CABIN1: variants seen among roughly 807,000 people sequenced by gnomAD.
CABIN1 encodes the protein calcineurin binding protein 1.
A neutral mutation model predicts 227.7 loss-of-function variants in CABIN1; 133 were observed. That is an observed-to-expected ratio of 0.58 (90% CI 0.51 to 0.67). The LOEUF is 0.67. CABIN1 is among the 30% of genes least tolerant of loss of function. The pLI is 0.00. For missense variants in CABIN1, 2,408 were observed against 2,852.5 expected (o/e 0.84, Z 3.55); for synonymous variants, 1,086 against 1,155.1 (o/e 0.94, Z 1.21).
chr22:24,068,949 G>C (rs1171175048), intron 16 of CABIN1, among the ~76,000 whole-genome samples: 2 of 152,238 alleles, frequency 1.3e-5, no homozygotes, highest in Non-Finnish European at 2.9e-5. Flanking sequence ...GGGACCCCAT[G>C]TTCTCGAGGG....
intron 19 of CABIN1, among the ~76,000 whole-genome samples, chr22:24,076,663 T>C (rs1338832118): frequency 2.0e-5 from 3 of 152,210 alleles, no homozygotes; most frequent in Admixed American, 2.0e-4. Context: ...TATTGAGTCC[T>C]GTTTACTAAG....
In CABIN1 at chr22:24,084,875, T is replaced by C. The variant is rs193178955; in HGVS notation, c.3117+90T>C. 3,827 of 1,569,234 alleles carry C rather than the reference T, an allele frequency of 2.4e-3. 12 individuals carry two copies. Among genetic ancestry groups the C allele is most frequent in the Middle Eastern group, 4.6e-3 (27 of 5,924 alleles). ...CTGTATATGCTCCTTTGCTTCTTTT[T>C]CTGCTCTGTACCAGACTGAGGGGCA... On this transcript the variant is annotated intron_variant, in intron 21 of 36. Coordinates refer to ENST00000263119, the MANE Select transcript of CABIN1 (RefSeq NM_012295.4).
chr22:24,068,864 A>G (rs2039882606), intron 16 of CABIN1, among the ~76,000 whole-genome samples: 1 of 152,124 alleles, frequency 6.6e-6, no homozygotes, highest in Admixed American at 6.5e-5. Flanking sequence ...AGAAATATTC[A>G]TCCATTTGTT....
At chr22:24,156,948 C>T (rs2045866105) in intron 29 of CABIN1, among the ~76,000 whole-genome samples, 1 of 152,196 alleles carries the variant, frequency 6.6e-6, no homozygotes, top group South Asian at 2.1e-4. Context: ...CGGGCGCCAG[C>T]TGCAGGCAAA....
intron 8 of CABIN1, among the ~76,000 whole-genome samples, chr22:24,054,151 G>C (rs2038591779): frequency 1.3e-5 from 2 of 152,170 alleles, no homozygotes; most frequent in Non-Finnish European, 2.9e-5. Context: ...TGAGCAGTTG[G>C]TCTTTAGCCT....
At chr22:24,125,887 T>C (rs1182760125) in intron 28 of CABIN1, among the ~76,000 whole-genome samples, 2 of 152,212 alleles carry the variant, frequency 1.3e-5, no homozygotes, top group Admixed American at 1.3e-4. Flanking sequence ...TTGAAGATTC[T>C]ACTGGGCCCT....
rs553927219 is a variant in CABIN1 at position 24,038,214 on chromosome 22, G to T, written c.97-134G>T. ...CTTCCCTTCCTGGAAGTTGGGAGGTGGGGGAGCTGAAAGTTCCAGCTATCT... is the reference window on the plus strand; with the variant it reads ...CTTCCCTTCCTGGAAGTTGGGAGGTTGGGGAGCTGAAAGTTCCAGCTATCT... On this transcript the variant is annotated intron_variant, in intron 3 of 36. Transcript: ENST00000263119. The T allele has an allele frequency of 1.4e-5, 10 of 697,102 alleles. No individual in the cohort carries two copies. The East Asian group carries it at 2.8e-4, about 19-fold the overall frequency. 43.2% of individuals were successfully genotyped at this position (697,102 alleles called of 1,614,324 possible). A position where few individuals can be genotyped will look rare whatever the true frequency, so the allele number is the denominator to read the frequency against.
chr22:24,171,512 A>G (rs2046810604), intron 33 of CABIN1, among the ~76,000 whole-genome samples: 1 of 152,220 alleles, frequency 6.6e-6, no homozygotes, highest in African/African-American at 2.4e-5. Flanking sequence ...GTGTCCTAGC[A>G]TCAGCAGGAT....
At chr22:24,131,592 G>A (rs1004941923) in intron 28 of CABIN1, among the ~76,000 whole-genome samples, 1 of 152,200 alleles carries the variant, frequency 6.6e-6, no homozygotes, top group Non-Finnish European at 1.5e-5. Flanking sequence ...GGCCCTGACT[G>A]CCCCAGGTGT....
chr22:24,177,414 A>G lies in CABIN1; in HGVS notation c.6206-90A>G. 8 of 1,165,382 alleles carry G rather than the reference A, an allele frequency of 6.9e-6. No homozygotes were observed. Among genetic ancestry groups the G allele is most frequent in the Non-Finnish European group, 9.6e-6 (8 of 830,384 alleles). 72.2% of individuals were successfully genotyped at this position (1,165,382 alleles called of 1,614,324 possible). ...CACAAACTACACAGCATAAAGGCCC[A>G]GGACCTGGGGGGAGCGGGTGGGGGC... On this transcript the variant is annotated intron_variant, in intron 35 of 36. Coordinates refer to ENST00000263119, the MANE Select transcript of CABIN1 (RefSeq NM_012295.4). The surrounding 1 kb of genome is among the most constrained non-coding windows in gnomAD (Gnocchi z 4.4).
chr22:24,025,625 G>T (rs890070011), intron 1 of CABIN1, among the ~76,000 whole-genome samples: 2 of 152,158 alleles, frequency 1.3e-5, no homozygotes, highest in Non-Finnish European at 2.9e-5. Context: ...CTCATCAAAC[G>T]CTCTGCTGGT....
At chr22:24,134,444 G>C in intron 29 of CABIN1, 29 bp downstream of exon 29, 1 of 1,578,546 alleles carries the variant, frequency 6.3e-7, no homozygotes, top group Non-Finnish European at 8.7e-7. Flanking sequence ...TGATTTCCAA[G>C]GCTGTTTGTT....
At chr22:24,013,323 A>G (rs1201702055) in intron 1 of CABIN1, among the ~76,000 whole-genome samples, 1 of 146,420 alleles carries the variant, frequency 6.8e-6, no homozygotes, top group Non-Finnish European at 1.5e-5. Flanking sequence ...CAGCCTCCCT[A>G]GTAGCTGGGA....
chr22:24,165,907 G>A (rs1300501607), intron 31 of CABIN1, among the ~76,000 whole-genome samples: 2 of 152,208 alleles, frequency 1.3e-5, no homozygotes, highest in Admixed American at 6.5e-5. Context: ...CACCCAGGGC[G>A]GGGTCCCAAG....
chr22:24,116,490 C>G (rs2043095655), intron 27 of CABIN1, among the ~76,000 whole-genome samples: 1 of 152,144 alleles, frequency 6.6e-6, no homozygotes, highest in Non-Finnish European at 1.5e-5. Context: ...GGGGAGGCCA[C>G]CCTGGGGGCA....
intron 3 of CABIN1, among the ~76,000 whole-genome samples, chr22:24,037,807 G>A (rs980465792): frequency 1.3e-5 from 2 of 152,192 alleles, no homozygotes; most frequent in South Asian, 2.1e-4. Flanking sequence ...TCAGATGCCA[G>A]TTGCAAGCGT....
At chr22:24,026,824 G>T (rs1003748088) in intron 1 of CABIN1, among the ~76,000 whole-genome samples, 1 of 152,106 alleles carries the variant, frequency 6.6e-6, no homozygotes, top group Non-Finnish European at 1.5e-5. Flanking sequence ...AGTGTGATCC[G>T]TCCAATATTA....
chr22:24,013,820 G>T (rs2035030633), intron 1 of CABIN1, among the ~76,000 whole-genome samples: 1 of 152,164 alleles, frequency 6.6e-6, no homozygotes, highest in African/African-American at 2.4e-5. Context: ...CTTTTAAAGA[G>T]TAGTGATCAG....
intron 10 of CABIN1, among the ~76,000 whole-genome samples, chr22:24,057,470 G>A (rs2038887433): frequency 6.6e-6 from 1 of 152,158 alleles, no homozygotes; most frequent in South Asian, 2.1e-4. Context: ...GGGCATCCTC[G>A]CCTATCTTCT....
Sources: allele counts gnomAD v4.1 joint callset (sites outside exome capture counted in the v4.1 genomes callset), GRCh38; gene constraint gnomAD v4.1.1; non-coding constraint Gnocchi (gnomAD v3.1); transcripts MANE v1.5; gene names NCBI Gene and HGNC (gene_info 2026-07-23, HGNC 2026-07-21).